The following PCCA variants were observed in gnomAD, a reference collection of about 807,000 sequenced individuals.
The protein encoded by PCCA is propionyl-CoA carboxylase subunit alpha, also known as propionyl-CoA carboxylase alpha chain, mitochondrial.
Under a neutral mutation model 101.3 loss-of-function variants are expected in PCCA, and 74 were observed. The ratio of observed to expected loss-of-function variants is 0.73; its 90% CI spans 0.61 to 0.89. The LOEUF is 0.89. Among genes scored for constraint, PCCA ranks in the 40% least tolerant of loss-of-function variants. The pLI is 0.00. For synonymous variants in PCCA, 294 were observed against 313.6 expected (o/e 0.94, Z 0.66); for missense variants, 891 against 907.0 (o/e 0.98, Z 0.23).
intron 21 of PCCA, among the ~76,000 whole-genome samples, chr13:100,493,644 CAAAAG>C (rs1203533977): frequency 2.0e-5 from 3 of 152,286 alleles, no homozygotes; most frequent in Admixed American, 1.3e-4. Context: ...TAGAATTAGT[CAAAAG>C]AAAAGGCTGA....
chr13:100,209,584 G>A (rs562881161), intron 7 of PCCA, 121 bp downstream of exon 7: 37 of 740,722 alleles, frequency 5.0e-5, no homozygotes, highest in African/African-American at 3.0e-4. Context: ...ACATATGCAC[G>A]CACATACATA....
chr13:100,443,908 C>T (rs552257762), intron 20 of PCCA, among the ~76,000 whole-genome samples: 4 of 152,080 alleles, frequency 2.6e-5, no homozygotes, highest in African/African-American at 9.7e-5. Flanking sequence ...GGTCTCCTAG[C>T]CTCGTCCTTC....
chr13:100,244,263 T>A (rs976695048), intron 8 of PCCA, among the ~76,000 whole-genome samples: 4 of 152,214 alleles, frequency 2.6e-5, no homozygotes, highest in Non-Finnish European at 1.5e-5. Flanking sequence ...ATTATTGAAG[T>A]GATGTGGTCA....
chr13:100,291,664 C>A (rs1229245597), intron 12 of PCCA, among the ~76,000 whole-genome samples: 1 of 152,186 alleles, frequency 6.6e-6, no homozygotes, highest in Admixed American at 6.5e-5. Context: ...GTGACAGCAG[C>A]CCTTCAGATG....
chr13:100,166,056 A>G (rs2055008156), intron 6 of PCCA, among the ~76,000 whole-genome samples: 1 of 152,180 alleles, frequency 6.6e-6, no homozygotes, highest in Non-Finnish European at 1.5e-5. Flanking sequence ...CATAATCACA[A>G]TCAGAATAAA....
intron 1 of PCCA, among the ~76,000 whole-genome samples, chr13:100,102,090 C>G (rs1940352074): frequency 6.6e-6 from 1 of 151,956 alleles, no homozygotes; most frequent in Non-Finnish European, 1.5e-5. Context: ...GGGAAGTTCT[C>G]TCTCTGTCTC....
At chr13:100,090,671 A>G (rs778806687) in intron 1 of PCCA, among the ~76,000 whole-genome samples, 11 of 152,312 alleles carry the variant, frequency 7.2e-5, no homozygotes, top group Non-Finnish European at 1.6e-4. Flanking sequence ...CCCGGGTGCT[A>G]TAAGAAAATA....
intron 4 of PCCA, among the ~76,000 whole-genome samples, chr13:100,135,661 T>C (rs1353865636): frequency 6.6e-6 from 1 of 152,172 alleles, no homozygotes; most frequent in Admixed American, 6.5e-5. Context: ...ATTTTATTTT[T>C]TTCTGTTGCT....
At chr13:100,211,399 A>G (rs1445810505) in intron 7 of PCCA, among the ~76,000 whole-genome samples, 5 of 152,142 alleles carry the variant, frequency 3.3e-5, no homozygotes, top group Non-Finnish European at 5.9e-5. Context: ...TTCTCTTGCA[A>G]AGCTACCAGC....
intron 1 of PCCA, among the ~76,000 whole-genome samples, chr13:100,091,317 T>C (rs2046261322): frequency 6.6e-6 from 1 of 152,230 alleles, no homozygotes; most frequent in African/African-American, 2.4e-5. Context: ...TACATACGCT[T>C]TGATGATTCT....
intron 9 of PCCA, among the ~76,000 whole-genome samples, chr13:100,260,553 C>T (rs565253601): frequency 1.1e-4 from 16 of 151,932 alleles, no homozygotes; most frequent in African/African-American, 3.1e-4. Flanking sequence ...CACACTGCCA[C>T]GCCTGGCTAA....
Position 100,105,671 on chromosome 13 carries a change from A to C in PCCA, c.183+2711A>C, listed in dbSNP as rs1007299002. Among the ~76,000 whole-genome samples the C allele has an allele frequency of 7.4e-5, 11 of 149,560 alleles. No homozygotes were observed. The East Asian group carries it at 9.8e-4, about 13-fold the overall frequency. Reference sequence around the variant, plus strand: ...CCTGTCTCTACCAAAAAAAAAAAAAAAAAAAAAACACCCCACAAAAATTAG... The same window carrying C: ...CCTGTCTCTACCAAAAAAAAAAAAACAAAAAAAACACCCCACAAAAATTAG... On this transcript the variant is annotated intron_variant, in intron 2 of 23. Coordinates refer to ENST00000376285, the MANE Select transcript of PCCA (RefSeq NM_000282.4).
intron 21 of PCCA, among the ~76,000 whole-genome samples, chr13:100,492,597 A>G (rs913833201): frequency 1.2e-4 from 18 of 151,584 alleles, no homozygotes; most frequent in African/African-American, 4.4e-4. Flanking sequence ...GTTCCCCAGC[A>G]AAGGCCCCAC....
At chr13:100,287,258 A>G (rs2064749480) in intron 12 of PCCA, among the ~76,000 whole-genome samples, 1 of 152,108 alleles carries the variant, frequency 6.6e-6, no homozygotes, top group South Asian at 2.1e-4. Context: ...ATAGTACAGT[A>G]TCTAGTAGAA....
chr13:100,150,830 A>T (rs890620010), intron 4 of PCCA: 1 of 1,583,778 alleles, frequency 6.3e-7, no homozygotes. Flanking sequence ...TAGCTGGTTA[A>T]CACCATGATG....
At chr13:100,207,424 A>G (rs2058928787) in intron 6 of PCCA, among the ~76,000 whole-genome samples, 1 of 152,000 alleles carries the variant, frequency 6.6e-6, no homozygotes, top group African/African-American at 2.4e-5. Flanking sequence ...CTCTGTCGCC[A>G]GGCTGGAGTG....
At chr13:100,325,126 A>T (rs2068514288) in intron 16 of PCCA, among the ~76,000 whole-genome samples, 1 of 152,220 alleles carries the variant, frequency 6.6e-6, no homozygotes, top group South Asian at 2.1e-4. Flanking sequence ...AATGAAATTT[A>T]TGAAGCATTT....
chr13:100,380,054 G>C (rs199982012), intron 19 of PCCA, among the ~76,000 whole-genome samples: 5 of 149,062 alleles, frequency 3.4e-5, no homozygotes, highest in South Asian at 2.2e-4. Flanking sequence ...CACACACACA[G>C]ACACACACGA....
At position 100,094,088 on chromosome 13, in the gene PCCA, C is replaced by T. The variant is rs547039330; in HGVS notation, c.105+4863C>T. The stretch of plus-strand genomic sequence containing the variant: ...TACTAAAAATACAAAATTAGCCGGG[C>T]ATGGTGGCGCATGCCTGTAATCTCA... On this transcript the variant is annotated intron_variant, in intron 1 of 23. Transcript: ENST00000376285. Among the ~76,000 whole-genome samples the T allele has an allele frequency of 9.2e-5, 14 of 151,454 alleles. No individual in the cohort carries two copies. In the East Asian group the frequency reaches 2.7e-3, roughly 30 times the overall value.
Sources: allele counts gnomAD v4.1 joint callset (sites outside exome capture counted in the v4.1 genomes callset), GRCh38; gene constraint gnomAD v4.1.1; transcripts MANE v1.5; gene names NCBI Gene and HGNC (gene_info 2026-07-23, HGNC 2026-07-21).